MED13: variants seen among roughly 807,000 people sequenced by gnomAD.
The protein encoded by MED13 is mediator complex subunit 13.
MED13 carries 23 observed loss-of-function variants against 225.2 expected under a neutral mutation model. That is an observed-to-expected ratio of 0.10 (90% CI 0.07 to 0.14). The LOEUF is 0.14. Ranked by LOEUF, MED13 falls within the 10% of genes least tolerant of loss-of-function variation. The pLI is 1.00. For synonymous variants in MED13, 942 were observed against 889.2 expected, an observed-to-expected ratio of 1.06 and a Z score of -1.06; for missense variants, 2,197 against 2,594.5, an observed-to-expected ratio of 0.85 and a Z score of 3.33.
intron 8 of MED13, among the ~76,000 whole-genome samples, chr17:62,018,619 C>T (rs929404940): frequency 6.6e-6 from 1 of 151,540 alleles, no homozygotes; most frequent in Non-Finnish European, 1.5e-5. Context: ...GAGGCTGAGG[C>T]ACGAAAATCG....
chr17:61,946,582 G>A lies in MED13; in HGVS notation c.6411C>T (p.Tyr2137=). The A allele has an allele frequency of 6.2e-7, 1 of 1,612,982 alleles. No homozygotes were observed. Among genetic ancestry groups the A allele is most frequent in the South Asian group, 1.1e-5 (1 of 90,908 alleles). The stretch of plus-strand genomic sequence containing the variant: ...CACAGGTTAGCCAGGAGAGTGCATT[G>A]TACTGTTCCAAAACAAACCTGAAAA... The part of the protein sequence containing the change: ...SDVLRFVLEQ[Y]NALSWLTCDP... Residue 2137 remains tyrosine, a synonymous_variant, in exon 30 of 30, where the codon TAC becomes TAT. Coordinates refer to ENST00000397786, the MANE Select transcript of MED13 (RefSeq NM_005121.3).
At position 62,010,776 on chromosome 17, in the gene MED13, T is replaced by C; in HGVS notation, c.1741A>G (p.Ser581Gly). 1.2e-6 allele frequency: 2 copies of C among 1,614,142 alleles called. No individual in the cohort carries two copies. The highest frequency in any genetic ancestry group is 1.7e-6 in the Non-Finnish European group (2 of 1,179,982). ...PSKPMEDRID[S>G]LSQSFPPQYQ... ...TGAGGTGGGAAAGACTGGGACAAAC[T>C]GTCTATCCTATCTTCCATTGGTTTA... Residue 581 changes from serine (S) to glycine (G), a missense_variant, in exon 9 of 30, where the codon AGT (serine) becomes GGT (glycine). Ser to Gly is a moderately conservative substitution (Grantham distance 56, BLOSUM62 0). This residue lies in a region of MED13 where 884 missense variants were observed against 918.5 expected (regional missense o/e 0.96). Coordinates refer to ENST00000397786, the MANE Select transcript of MED13 (RefSeq NM_005121.3).
intron 3 of MED13, among the ~76,000 whole-genome samples, chr17:62,045,435 A>T (rs1205154342): frequency 6.6e-6 from 1 of 152,098 alleles, no homozygotes; most frequent in Non-Finnish European, 1.5e-5. Flanking sequence ...AGGTGGGAGA[A>T]CCAATTAGGC....
Position 61,982,527 on chromosome 17 carries a change from G to C in MED13, c.3476C>G (p.Ala1159Gly). The change falls in exon 16 of 30, where the codon GCA (alanine) becomes GGA (glycine). Residue 1159 changes from alanine to glycine, a missense_variant. Physicochemically the swap from Ala to Gly is moderately conservative, Grantham distance 60 (BLOSUM62 0). Around this residue, in one of 12 missense-constraint regions of MED13, gnomAD observed 203 missense variants for 209.7 expected, o/e 0.97. Coordinates refer to ENST00000397786, the MANE Select transcript of MED13 (RefSeq NM_005121.3). ...IGRNTDCGKE[A>G]EKRFEALRAT... ...CCTGAGAGCTTCAAAACGTTTTTCT[G>C]CTTCTTTGCCACAGTCTGTATTGCG... is the stretch of plus-strand genomic sequence containing the variant. The C allele has an allele frequency of 6.2e-7, 1 of 1,614,144 alleles. No homozygotes were observed. The highest frequency in any genetic ancestry group is 8.5e-7 in the Non-Finnish European group (1 of 1,180,010).
chr17:62,051,958 A>AT (rs2143757665), intron 3 of MED13, among the ~76,000 whole-genome samples: 1 of 152,360 alleles, frequency 6.6e-6, no homozygotes, highest in South Asian at 2.1e-4. Flanking sequence ...GGTATCTATC[A>AT]TAAGTCTTCT....
At chr17:61,983,644 T>C (rs936544594) in intron 15 of MED13, among the ~76,000 whole-genome samples, 2 of 152,072 alleles carry the variant, frequency 1.3e-5, no homozygotes, top group African/African-American at 4.8e-5. Flanking sequence ...CAATTTAAAA[T>C]TGCAGCCCAA....
At chr17:61,951,923 A>C (rs2079900089) in intron 27 of MED13, among the ~76,000 whole-genome samples, 1 of 152,018 alleles carries the variant, frequency 6.6e-6, no homozygotes, top group African/African-American at 2.4e-5. Flanking sequence ...TTTGAGATGG[A>C]GTCTCGCTCT....
intron 2 of MED13, among the ~76,000 whole-genome samples, chr17:62,061,612 G>A (rs552752792): frequency 6.6e-4 from 101 of 152,206 alleles, no homozygotes; most frequent in African/African-American, 1.9e-3. Context: ...AAACATTCTA[G>A]TAAGGTGATT....
At chr17:62,059,189 ATACTT>A (rs1388140479) in intron 2 of MED13, among the ~76,000 whole-genome samples, 6 of 152,234 alleles carry the variant, frequency 3.9e-5, no homozygotes, top group African/African-American at 1.4e-4. Context: ...ATCCAAATAT[ATACTT>A]TAGTTAATAA....
At chr17:62,027,312 C>T (rs9910902) in intron 8 of MED13, among the ~76,000 whole-genome samples, 11,426 of 152,060 alleles carry the variant, frequency 0.075, 1,455 homozygotes, top group African/African-American at 0.26. Flanking sequence ...TTTGACAAAG[C>T]TCACAAAAAC....
chr17:62,059,023 AT>A (rs2081017583), intron 2 of MED13, among the ~76,000 whole-genome samples: 1 of 152,224 alleles, frequency 6.6e-6, no homozygotes, highest in African/African-American at 2.4e-5. Flanking sequence ...ATCTGAACAG[AT>A]TCTTCAGAAC....
chr17:61,988,665 C>T (rs760311252), intron 11 of MED13, among the ~76,000 whole-genome samples: 2 of 152,030 alleles, frequency 1.3e-5, no homozygotes, highest in Non-Finnish European at 1.5e-5. Context: ...TTACATGTTT[C>T]CTATATCCCA....
chr17:62,001,274 G>A (rs949352911), intron 9 of MED13, among the ~76,000 whole-genome samples: 4 of 152,054 alleles, frequency 2.6e-5, no homozygotes, highest in Non-Finnish European at 5.9e-5. Context: ...CTGTTTAACT[G>A]GCTGCAAAGT....
At chr17:62,012,135 G>C (rs1019625149) in intron 8 of MED13, among the ~76,000 whole-genome samples, 2 of 151,488 alleles carry the variant, frequency 1.3e-5, no homozygotes, top group Admixed American at 6.6e-5. Context: ...AGAATAGCTT[G>C]AACCCAGGAG....
intron 5 of MED13, among the ~76,000 whole-genome samples, chr17:62,032,795 A>G (rs973983228): frequency 6.6e-6 from 1 of 152,186 alleles, no homozygotes; most frequent in Non-Finnish European, 1.5e-5. Flanking sequence ...AGATGTGGGT[A>G]CTTTGTTAAC....
chr17:61,986,269 A>C (rs1335525205), intron 12 of MED13, among the ~76,000 whole-genome samples: 4 of 152,216 alleles, frequency 2.6e-5, no homozygotes, highest in Admixed American at 6.5e-5. Context: ...ACACATATAC[A>C]CACATATAGA....
intron 16 of MED13, among the ~76,000 whole-genome samples, chr17:61,975,934 T>C (rs546947609): frequency 2.0e-5 from 3 of 152,186 alleles, no homozygotes; most frequent in Admixed American, 2.0e-4. Context: ...GAGAATTGCT[T>C]GAACCTGGGA....
chr17:62,013,979 C>T (rs1417114848), intron 8 of MED13, among the ~76,000 whole-genome samples: 1 of 152,056 alleles, frequency 6.6e-6, no homozygotes, highest in East Asian at 1.9e-4. Flanking sequence ...GTGGAGGTTG[C>T]AGCAAGCTGA....
chr17:61,969,232 G>C (rs924153865), intron 17 of MED13, among the ~76,000 whole-genome samples: 1 of 152,180 alleles, frequency 6.6e-6, no homozygotes, highest in Non-Finnish European at 1.5e-5. Flanking sequence ...GTGCATGCCT[G>C]TAATCCCAGC....
Sources: gnomAD v4.1 joint callset for allele counts (sites outside exome capture counted in the v4.1 genomes callset) on GRCh38, gnomAD v4.1.1 for gene constraint, gnomAD v4.1.1 regional missense constraint, MANE v1.5 for transcripts, NCBI Gene and HGNC (gene_info 2026-07-23, HGNC 2026-07-21) for gene names.